ADAMTS18: variants seen among roughly 807,000 people sequenced by gnomAD.
ADAMTS18 encodes ADAM metallopeptidase with thrombospondin type 1 motif 18.
ADAMTS18 carries 157 observed loss-of-function variants against 165.9 expected under a neutral mutation model. The observed-to-expected ratio is 0.95, with a 90% CI of 0.83 to 1.08. The LOEUF (loss-of-function observed/expected upper bound fraction) is 1.08, where lower values mean the gene tolerates loss of function less well. ADAMTS18 is among the 50% of genes least tolerant of loss of function. The pLI, the probability that ADAMTS18 is intolerant of heterozygous loss-of-function variation, is 0.00. For synonymous variants in ADAMTS18, 782 were observed against 578.2 expected (o/e 1.35, Z -5.06); for missense variants, 2,040 against 1,534.0 (o/e 1.33, Z -5.51).
intron 10 of ADAMTS18, among the ~76,000 whole-genome samples, chr16:77,345,228 T>C (rs1373193451): frequency 2.0e-5 from 3 of 152,200 alleles, no homozygotes; most frequent in Non-Finnish European, 2.9e-5. Context: ...AACCAAATTT[T>C]ATGAAGCATT....
chr16:77,373,674 T>G (rs564894190), intron 3 of ADAMTS18, among the ~76,000 whole-genome samples: 3 of 152,126 alleles, frequency 2.0e-5, no homozygotes, highest in Non-Finnish European at 2.9e-5. Context: ...AAGAACTTAC[T>G]TATGTAACCA....
intron 3 of ADAMTS18, among the ~76,000 whole-genome samples, chr16:77,389,102 G>A (rs2057150184): frequency 6.6e-6 from 1 of 152,108 alleles, no homozygotes; most frequent in African/African-American, 2.4e-5. Flanking sequence ...GAGTCTGAGA[G>A]CAGCCTGGGC....
intron 3 of ADAMTS18, among the ~76,000 whole-genome samples, chr16:77,379,262 C>G (rs768531235): frequency 2.6e-5 from 4 of 152,202 alleles, no homozygotes; most frequent in Non-Finnish European, 5.9e-5. Context: ...TTCGTCCATT[C>G]TGAAGGCTCA....
rs2056263528 is a variant in ADAMTS18 at position 77,334,678 on chromosome 16, A to ATAGTATATATATATAGTATATATATACTG, written c.1859+1049_1859+1077dup. Among the ~76,000 whole-genome samples the ATAGTATATATATATAGTATATATATACTG allele has an allele frequency of 2.7e-5, 3 of 111,778 alleles. No homozygotes were observed. The South Asian group carries it at 7.4e-4, about 28-fold the overall frequency. The allele number at this position is 111,778 out of a possible 152,430, so 73.3% of individuals were successfully genotyped here. On this transcript the variant is annotated intron_variant, in intron 12 of 22. Coordinates refer to ENST00000282849, the MANE Select transcript of ADAMTS18 (RefSeq NM_199355.4). ...ATATACTGTATATAGTGCATATACT[A>ATAGTATATATATATAGTATATATATACTG]TAGTATATATATATAGTATATATAT...
At chr16:77,327,603 T>C (rs2056117815) in intron 12 of ADAMTS18, among the ~76,000 whole-genome samples, 1 of 152,226 alleles carries the variant, frequency 6.6e-6, no homozygotes, top group African/African-American at 2.4e-5. Flanking sequence ...GCAACCTGGA[T>C]AAAACTGGAG....
At position 77,431,774 on chromosome 16, in the gene ADAMTS18, A is replaced by T. The variant is rs569883893; in HGVS notation, c.179-163T>A. Reference sequence around the variant, plus strand: ...TTCAGAGCAGCACAGGCAGCAGAAGACCTGTCTCTACAACTAACTCGGCCA... The same window carrying T: ...TTCAGAGCAGCACAGGCAGCAGAAGTCCTGTCTCTACAACTAACTCGGCCA... On this transcript the variant is annotated intron_variant, in intron 2 of 22. Transcript: ENST00000282849. 1.1e-4 allele frequency: 80 copies of T among 749,834 alleles called. No homozygotes were observed. The African/African-American group carries it at 1.3e-3, about 12-fold the overall frequency. 46.4% of individuals were successfully genotyped at this position (749,834 alleles called of 1,614,324 possible).
chr16:77,357,379 C>G (rs560654832), intron 8 of ADAMTS18, among the ~76,000 whole-genome samples: 22 of 152,154 alleles, frequency 1.4e-4, no homozygotes, highest in Non-Finnish European at 2.9e-4. Context: ...TAGGTATTGA[C>G]TAACGTCAAT....
At chr16:77,372,650 G>T (rs1275036633) in intron 3 of ADAMTS18, among the ~76,000 whole-genome samples, 1 of 152,112 alleles carries the variant, frequency 6.6e-6, no homozygotes, top group South Asian at 2.1e-4. Flanking sequence ...GAAGATTATG[G>T]GACAAGAGAA....
chr16:77,361,304 T>G (rs184532395), intron 7 of ADAMTS18, among the ~76,000 whole-genome samples: 10 of 152,162 alleles, frequency 6.6e-5, no homozygotes, highest in African/African-American at 1.9e-4. Context: ...TTAAAAAATG[T>G]TGAATTCCTA....
At position 77,434,459 on chromosome 16, in the gene ADAMTS18, A is replaced by G. The variant is rs2057772695; in HGVS notation, c.137T>C (p.Leu46Ser). Reference sequence around the variant, plus strand: ...GGCGCCGCTGCTGCTGTCACTGGCTAAGGCCGCGGCGACCGACGCACAGCA... The same window carrying G: ...GGCGCCGCTGCTGCTGTCACTGGCTGAGGCCGCGGCGACCGACGCACAGCA... ...CLCCASVAAA[L>S]ASDSSSGASG... The change falls in exon 2 of 23, where the codon TTA becomes TCA. Residue 46 changes from leucine to serine, a missense_variant. Leu to Ser is a moderately radical substitution (Grantham distance 145, BLOSUM62 -2). Coordinates refer to ENST00000282849, the MANE Select transcript of ADAMTS18 (RefSeq NM_199355.4). 2.5e-6 allele frequency: 4 copies of G among 1,573,492 alleles called. No homozygotes were observed. The highest frequency in any genetic ancestry group is 2.3e-5 in the South Asian group (2 of 86,866).
intron 12 of ADAMTS18, among the ~76,000 whole-genome samples, chr16:77,331,833 C>T (rs889671212): frequency 1.3e-5 from 2 of 152,180 alleles, no homozygotes; most frequent in Non-Finnish European, 2.9e-5. Flanking sequence ...ATATTCGAAG[C>T]AGCACCTAAC....
chr16:77,434,285 C>G, intron 2 of ADAMTS18, 133 bp downstream of exon 2: 1 of 1,070,390 alleles, frequency 9.3e-7, no homozygotes, highest in South Asian at 1.5e-5. Context: ...CCTCTCCAAA[C>G]AGGAACCATT....
intron 3 of ADAMTS18, among the ~76,000 whole-genome samples, chr16:77,416,770 A>G (rs2057535613): frequency 3.3e-5 from 5 of 152,210 alleles, no homozygotes; most frequent in Admixed American, 3.3e-4. Context: ...AAATGAAGTC[A>G]TCTCACCACT....
intron 3 of ADAMTS18, among the ~76,000 whole-genome samples, chr16:77,402,861 A>AT (rs1373238883): frequency 6.6e-6 from 1 of 152,102 alleles, no homozygotes. Context: ...AATGCCCTGA[A>AT]TTTTTTACCT....
intron 3 of ADAMTS18, among the ~76,000 whole-genome samples, chr16:77,387,042 T>C (rs1049393220): frequency 2.0e-5 from 3 of 152,206 alleles, no homozygotes; most frequent in Non-Finnish European, 4.4e-5. Flanking sequence ...AGAGGGCTAT[T>C]TGCATACTAA....
intron 12 of ADAMTS18, among the ~76,000 whole-genome samples, chr16:77,334,743 ATACTG>A (rs1212506971): frequency 8.7e-6 from 1 of 114,390 alleles, no homozygotes; most frequent in Non-Finnish European, 1.7e-5. Flanking sequence ...TATAGTATAT[ATACTG>A]TATACTATAG....
At chr16:77,400,820 G>A (rs2057322146) in intron 3 of ADAMTS18, among the ~76,000 whole-genome samples, 1 of 152,012 alleles carries the variant, frequency 6.6e-6, no homozygotes, top group African/African-American at 2.4e-5. Flanking sequence ...AGTGCCCTCA[G>A]AAGAATCCTC....
At chr16:77,412,309 AAAT>A (rs1416049601) in intron 3 of ADAMTS18, among the ~76,000 whole-genome samples, 1 of 152,144 alleles carries the variant, frequency 6.6e-6, no homozygotes, top group East Asian at 1.9e-4. Flanking sequence ...CGCATGAGTC[AAAT>A]AATATTATAA....
intron 12 of ADAMTS18, among the ~76,000 whole-genome samples, chr16:77,335,188 G>A (rs2056288305): frequency 6.6e-6 from 1 of 150,416 alleles, no homozygotes; most frequent in Non-Finnish European, 1.5e-5. Flanking sequence ...GCAGCAACAT[G>A]AATGGAACTG....
Sources: allele counts gnomAD v4.1 joint callset (sites outside exome capture counted in the v4.1 genomes callset), GRCh38; gene constraint gnomAD v4.1.1; transcripts MANE v1.5; gene names NCBI Gene and HGNC (gene_info 2026-07-23, HGNC 2026-07-21).